Variants in DNAI2 observed in about 807,000 individuals in gnomAD.
DNAI2 encodes dynein, axonemal, intermediate polypeptide 2.
A neutral mutation model predicts 74.7 loss-of-function variants in DNAI2; 63 were observed. The observed-to-expected ratio is 0.84, with a 90% CI of 0.69 to 1.04. The LOEUF is 1.04. Ranked by LOEUF, DNAI2 falls within the 50% of genes least tolerant of loss-of-function variation. The pLI is 0.00. For missense variants in DNAI2, 688 were observed against 803.2 expected (o/e 0.86, Z 1.73); for synonymous variants, 289 against 314.9 (o/e 0.92, Z 0.87).
chr17:74,294,217 C>A (rs12936009), intron 6 of DNAI2, among the ~76,000 whole-genome samples: 83,199 of 151,572 alleles, frequency 0.55, 24,792 homozygotes, highest in Non-Finnish European at 0.7. Flanking sequence ...ATATGTCTTA[C>A]ATCTTTTTGT....
At chr17:74,305,127 G>T in intron 8 of DNAI2, 92 bp from the exon 9 acceptor site, 4 of 1,364,200 alleles carry the variant, frequency 2.9e-6, no homozygotes, top group Non-Finnish European at 4.1e-6. Flanking sequence ...TCTAGCGCCT[G>T]CAGACCCCCC....
At chr17:74,278,263 T>A (rs1333833187) in intron 1 of DNAI2, among the ~76,000 whole-genome samples, 2 of 136,852 alleles carry the variant, frequency 1.5e-5, no homozygotes, top group African/African-American at 2.8e-5. Flanking sequence ...GACCCTCAAC[T>A]CTACAAAAAA....
At chr17:74,298,535 G>A (rs1183861456) in intron 6 of DNAI2, among the ~76,000 whole-genome samples, 3 of 151,996 alleles carry the variant, frequency 2.0e-5, no homozygotes. Flanking sequence ...TTGAACTCCT[G>A]ACCACAAGTG....
At chr17:74,277,398 A>G (rs1053206073) in intron 1 of DNAI2, among the ~76,000 whole-genome samples, 7 of 150,446 alleles carry the variant, frequency 4.7e-5, no homozygotes, top group Non-Finnish European at 1.0e-4. Context: ...AAAAAAAAAA[A>G]AAAGAAAAAA....
chr17:74,279,237 T>C (rs1302477109), intron 1 of DNAI2, among the ~76,000 whole-genome samples: 1 of 152,178 alleles, frequency 6.6e-6, no homozygotes, highest in Admixed American at 6.5e-5. Flanking sequence ...CCATTCTCCA[T>C]GATGTGACTA....
At chr17:74,296,853 T>C (rs1222959600) in intron 6 of DNAI2, among the ~76,000 whole-genome samples, 1 of 152,118 alleles carries the variant, frequency 6.6e-6, no homozygotes, top group Non-Finnish European at 1.5e-5. Flanking sequence ...AACTGCAGAG[T>C]GTGCGATCTT....
chr17:74,282,364 A>G (rs1222764917), intron 2 of DNAI2, among the ~76,000 whole-genome samples: 1 of 152,046 alleles, frequency 6.6e-6, no homozygotes, highest in Non-Finnish European at 1.5e-5. Flanking sequence ...GCAGTGGTAC[A>G]AACTCGACTT....
Position 74,289,732 on chromosome 17 carries a change from C to A in DNAI2, c.606C>A (p.Asp202Glu). The change falls in exon 5 of 14, where the codon GAC becomes GAA. Residue 202 changes from aspartate (D) to glutamate (E), a missense_variant. Physicochemically the swap from Asp to Glu is conservative, Grantham distance 45. Coordinates refer to ENST00000311014, the MANE Select transcript of DNAI2 (RefSeq NM_023036.6). The stretch of plus-strand genomic sequence containing the variant: ...TGAGCAGCGATTCATACATCTGGGA[C>A]CTGGGTGAGAAGCAGCGGGGTCCTG... ...VGMSSDSYIW[D>E]LENPNKPELA... 1 of 1,613,902 alleles carries A rather than the reference C, an allele frequency of 6.2e-7. No homozygotes were observed. Among genetic ancestry groups the A allele is most frequent in the Non-Finnish European group, 8.5e-7 (1 of 1,179,992 alleles).
intron 13 of DNAI2, 138 bp downstream of exon 13, chr17:74,314,409 T>A: frequency 8.7e-7 from 1 of 1,155,436 alleles, no homozygotes; most frequent in Non-Finnish European, 1.2e-6. Flanking sequence ...CACTGAGTCC[T>A]GAGCCACCCC....
At position 74,309,401 on chromosome 17, in the gene DNAI2, T is replaced by A. The variant is rs534223470; in HGVS notation, c.1347+13T>A. On this transcript the variant is annotated intron_variant, in intron 10 of 13. Transcript: ENST00000311014. Reference sequence around the variant, plus strand: ...CCTCAGCTTGAAGGTCACGCGCATGTCCCTCCTTGTGCATCCAGGTCCTCA... The same window carrying A: ...CCTCAGCTTGAAGGTCACGCGCATGACCCTCCTTGTGCATCCAGGTCCTCA... 1.7e-5 allele frequency: 27 copies of A among 1,614,092 alleles called. No individual in the cohort carries two copies. Among genetic ancestry groups the A allele is most frequent in the African/African-American group, 2.7e-5 (2 of 75,040 alleles).
intron 6 of DNAI2, among the ~76,000 whole-genome samples, chr17:74,292,828 G>A (rs1416528024): frequency 7.1e-6 from 1 of 140,336 alleles, no homozygotes; most frequent in East Asian, 2.0e-4. Flanking sequence ...GTCCGGTGTA[G>A]TTTTCCTTTT....
chr17:74,299,667 G>A, intron 6 of DNAI2, 51 bp from the exon 7 acceptor site: 1 of 1,611,298 alleles, frequency 6.2e-7, no homozygotes, highest in South Asian at 1.1e-5. Context: ...CTGCCCTAAG[G>A]AAGGAAGCCT....
rs75465040 is a variant in DNAI2, at chr17:74,306,334, C to A, written c.1211+892C>A. Among the ~76,000 whole-genome samples, 133 of 152,308 alleles carry A rather than the reference C, an allele frequency of 8.7e-4. 1 individual carries two copies. The East Asian group carries it at 0.021, about 24-fold the overall frequency. On this transcript the variant is annotated intron_variant, in intron 9 of 13. Coordinates refer to ENST00000311014, the MANE Select transcript of DNAI2 (RefSeq NM_023036.6). ...GCCCATTTACCTTGTCTAAAAGTGCCCTTTCTCCTCCTCCCCTTCATCTCC... is the reference window on the plus strand; with the variant it reads ...GCCCATTTACCTTGTCTAAAAGTGCACTTTCTCCTCCTCCCCTTCATCTCC...
intron 1 of DNAI2, among the ~76,000 whole-genome samples, chr17:74,281,086 C>CAAAAAAAA (rs60399157): frequency 1.7e-5 from 1 of 58,894 alleles, no homozygotes; most frequent in African/African-American, 7.0e-5. Flanking sequence ...GCCTTTGTCT[C>CAAAAAAAA]AAAAAAAAAA....
chr17:74,286,251 G>A (rs1053826705), intron 3 of DNAI2, among the ~76,000 whole-genome samples: 36 of 150,208 alleles, frequency 2.4e-4, no homozygotes, highest in African/African-American at 7.1e-4. Context: ...AGTCCAGATC[G>A]CACCCCTGCA....
intron 2 of DNAI2, among the ~76,000 whole-genome samples, chr17:74,283,479 G>A (rs1043588486): frequency 2.6e-5 from 4 of 151,392 alleles, no homozygotes; most frequent in East Asian, 1.9e-4. Flanking sequence ...GTGGTGGCTC[G>A]CACCTGTGGT....
chr17:74,299,563 G>A (rs942317953), intron 6 of DNAI2, among the ~76,000 whole-genome samples, 155 bp from the exon 7 acceptor site: 1 of 152,108 alleles, frequency 6.6e-6, no homozygotes, highest in Non-Finnish European at 1.5e-5. Context: ...GTAGAGGCTG[G>A]TAGGAAACTC....
At chr17:74,302,217 GCCCA>G (rs2052898993) in intron 8 of DNAI2, among the ~76,000 whole-genome samples, 1 of 151,972 alleles carries the variant, frequency 6.6e-6, no homozygotes, top group South Asian at 2.1e-4. Flanking sequence ...GATCACTTGA[GCCCA>G]GCAGTTCAAG....
rs551163932 is a variant in DNAI2, at chr17:74,305,296, G to A, written c.1065G>A (p.Lys355=). The A allele has an allele frequency of 7.0e-5, 113 of 1,614,240 alleles. No homozygotes were observed. In the African/African-American group the frequency reaches 1.3e-3, roughly 18 times the overall value. The change falls in exon 9 of 14, where the codon AAG becomes AAA. Residue 355 remains lysine, a synonymous_variant. Coordinates refer to ENST00000311014, the MANE Select transcript of DNAI2 (RefSeq NM_023036.6). ...GCAAGGCCAAGACGTCAGCTGAAAA[G>A]ATTGTGTGCACCTTCCCGGGCCATC... ...CNRKAKTSAE[K]IVCTFPGHHG...
Sources: gnomAD v4.1 joint callset for allele counts (sites outside exome capture counted in the v4.1 genomes callset) on GRCh38, gnomAD v4.1.1 for gene constraint, MANE v1.5 for transcripts, NCBI Gene and HGNC (gene_info 2026-07-23, HGNC 2026-07-21) for gene names.